CLN6: variants seen among roughly 807,000 people sequenced by gnomAD.
CLN6 encodes ceroid-lipofuscinosis neuronal protein 6.
In CLN6, 22 loss-of-function variants were observed where a neutral mutation model predicts 33.3. That is an observed-to-expected ratio of 0.66 (90% CI 0.47 to 0.94). The LOEUF (loss-of-function observed/expected upper bound fraction) is 0.94. Ranked by LOEUF, CLN6 falls within the 40% of genes least tolerant of loss-of-function variation. The pLI is 0.00. For synonymous variants in CLN6, 201 were observed against 174.6 expected (o/e 1.15, Z -1.19); for missense variants, 387 against 417.1 (o/e 0.93, Z 0.63).
At chr15:68,214,049 C>T (rs745462606) in intron 3 of CLN6, 11 of 467,364 alleles carry the variant, frequency 2.4e-5, no homozygotes, top group East Asian at 4.0e-5. Flanking sequence ...CCCACTGGCA[C>T]GCCAGGCTGA....
rs1281391415 is a variant in CLN6, at chr15:68,236,162, T to G, written c.180-17512A>C. ...AACTTTCATATATTCCTGGTGGGAT[T>G]ATAAAATGGCACAGCCCCTTTGGAA... On this transcript the variant is annotated intron_variant, in intron 1 of 6. Coordinates refer to the CLN6 transcript ENST00000538696. The surrounding 1 kb of genome is among the most constrained non-coding windows in gnomAD (Gnocchi z 4.5). Among the ~76,000 whole-genome samples, 2 of 152,246 alleles carry G rather than the reference T, an allele frequency of 1.3e-5. No homozygotes were observed. Among genetic ancestry groups the G allele is most frequent in the Non-Finnish European group, 2.9e-5 (2 of 68,044 alleles).
At position 68,208,981 on chromosome 15, in the gene CLN6, G is replaced by C. The variant is rs956377407; in HGVS notation, c.666-571C>G. On this transcript the variant is annotated intron_variant, in intron 6 of 6. Coordinates refer to ENST00000249806, the MANE Select transcript of CLN6 (RefSeq NM_017882.3). The surrounding 1 kb of genome is among the most constrained non-coding windows in gnomAD (Gnocchi z 5.8). The stretch of plus-strand genomic sequence containing the variant: ...TGAGGGAGGCCTCCCATCAGAGAAG[G>C]GTCCAGTCCTGCCCCGACCCTGTCC... Among the ~76,000 whole-genome samples, 2 of 152,172 alleles carry C rather than the reference G, an allele frequency of 1.3e-5. No homozygotes were observed. The highest frequency in any genetic ancestry group is 2.9e-5 in the Non-Finnish European group (2 of 68,034).
In CLN6 at chr15:68,211,141, G is replaced by C. The variant is rs912974674; in HGVS notation, c.542+122C>G. On this transcript the variant is annotated intron_variant, in intron 5 of 6. Transcript: ENST00000249806. This position sits in a 1 kb window ranked among gnomAD's most constrained non-coding sequence, Gnocchi z 5.9. Reference sequence around the variant, plus strand: ...TTGAGCTCACAGTGCCTTTACAGGGGATGAGACTCAACACATGGAGACCCG... The same window carrying C: ...TTGAGCTCACAGTGCCTTTACAGGGCATGAGACTCAACACATGGAGACCCG... 1.0e-4 allele frequency: 89 copies of C among 864,722 alleles called. No homozygotes were observed. The African/African-American group carries it at 1.2e-3, about 12-fold the overall frequency. The allele number at this position is 864,722 out of a possible 1,614,324, so 53.6% of individuals were successfully genotyped here. A position where few individuals can be genotyped will look rare whatever the true frequency, so the allele number is the denominator to read the frequency against.
rs1595816738 is a variant in CLN6, at chr15:68,208,772, T to C, written c.666-362A>G. 6.6e-6 allele frequency among the ~76,000 whole-genome samples: 1 copy of C among 152,198 alleles called. No individual in the cohort carries two copies. Among genetic ancestry groups the C allele is most frequent in the Admixed American group, 6.5e-5 (1 of 15,284 alleles). On this transcript the variant is annotated intron_variant, in intron 6 of 6. Coordinates refer to ENST00000249806, the MANE Select transcript of CLN6 (RefSeq NM_017882.3). This position sits in a 1 kb window ranked among gnomAD's most constrained non-coding sequence, Gnocchi z 5.8. Reference sequence around the variant, plus strand: ...GACGGCAGCCACCCCCGCGGCAGGATGCCGGGGTAAGAACCAGCAGGAAGC... The same window carrying C: ...GACGGCAGCCACCCCCGCGGCAGGACGCCGGGGTAAGAACCAGCAGGAAGC...
intron 3 of CLN6, 141 bp from the exon 4 acceptor site, chr15:68,212,004 A>T: frequency 1.3e-6 from 1 of 796,792 alleles, no homozygotes; most frequent in Non-Finnish European, 2.0e-6. Flanking sequence ...TCCCTTTAGC[A>T]GGCCAGCCCA....
intron 1 of CLN6, among the ~76,000 whole-genome samples, chr15:68,237,061 G>A (rs921707577): frequency 6.7e-6 from 1 of 150,022 alleles, no homozygotes; most frequent in Admixed American, 6.7e-5. Context: ...GGAGGCTGAG[G>A]CAGGAGAATG....
intron 1 of CLN6, among the ~76,000 whole-genome samples, chr15:68,243,251 G>C (rs140470893): frequency 8.1e-4 from 123 of 152,264 alleles, no homozygotes; most frequent in African/African-American, 2.8e-3. Flanking sequence ...AGATTTAAAA[G>C]GAATTATTTA....
chr15:68,241,847 C>T lies in CLN6; in HGVS notation c.179+14843G>A, dbSNP rs972076400. 6.6e-6 allele frequency among the ~76,000 whole-genome samples: 1 copy of T among 152,108 alleles called. No individual in the cohort carries two copies. Among genetic ancestry groups the T allele is most frequent in the Admixed American group, 6.5e-5 (1 of 15,274 alleles). On this transcript the variant is annotated intron_variant, in intron 1 of 6. Transcript: ENST00000538696. This position sits in a 1 kb window ranked among gnomAD's most constrained non-coding sequence, Gnocchi z 4.2. ...AATTGTTTATTAGAGCCGAGGCAAA[C>T]CTGGGCTTAAGAAATCATCTAGTGC...
chr15:68,229,123 G>A (rs1567101296), intron 1 of CLN6, among the ~76,000 whole-genome samples: 2 of 152,106 alleles, frequency 1.3e-5, no homozygotes, highest in Non-Finnish European at 2.9e-5. Flanking sequence ...GATAAGTTGG[G>A]GGTCCGAGTG....
chr15:68,232,325 T>C (rs1372053686), upstream of CLN6, among the ~76,000 whole-genome samples: 1 of 152,002 alleles, frequency 6.6e-6, no homozygotes, highest in African/African-American at 2.4e-5. This position sits in a 1 kb window ranked among gnomAD's most constrained non-coding sequence, Gnocchi z 4.7. Flanking sequence ...GCCTGGCTAA[T>C]TTTTTATATT....
intron 2 of CLN6, among the ~76,000 whole-genome samples, chr15:68,215,972 T>C (rs1205971445): frequency 6.6e-6 from 1 of 152,252 alleles, no homozygotes; most frequent in Non-Finnish European, 1.5e-5. Flanking sequence ...ATGTTACTTT[T>C]ATAACTTGTA....
chr15:68,248,659 A>AG (rs967139933), intron 1 of CLN6, among the ~76,000 whole-genome samples: 8 of 152,024 alleles, frequency 5.3e-5, no homozygotes, highest in African/African-American at 1.9e-4. Flanking sequence ...TCTCAAAAAA[A>AG]AAAAAAAAAA....
chr15:68,244,167 C>T (rs1004576957), intron 1 of CLN6, among the ~76,000 whole-genome samples: 7 of 151,704 alleles, frequency 4.6e-5, no homozygotes, highest in African/African-American at 9.7e-5. Context: ...GAAAACTTTC[C>T]AAAGCTCAAG....
chr15:68,208,429 A>T lies in CLN6; in HGVS notation c.666-19T>A. ...CAGGTACCTGGAAAGGCCAGGGGTG[A>T]GTGAGGCAGCTGCCGTGGCAACCCC... On this transcript the variant is annotated intron_variant, in intron 6 of 6. Transcript: ENST00000249806. The surrounding 1 kb of genome is among the most constrained non-coding windows in gnomAD (Gnocchi z 5.8). 6.2e-7 allele frequency: 1 copy of T among 1,611,440 alleles called. No individual in the cohort carries two copies. Among genetic ancestry groups the T allele is most frequent in the Non-Finnish European group, 8.5e-7 (1 of 1,179,808 alleles).
upstream of CLN6, among the ~76,000 whole-genome samples, chr15:68,233,430 G>A (rs1175393928): frequency 6.6e-6 from 1 of 152,186 alleles, no homozygotes; most frequent in Non-Finnish European, 1.5e-5. The surrounding 1 kb of genome is among the most constrained non-coding windows in gnomAD (Gnocchi z 4.3). Context: ...CTTTGATCTT[G>A]CCTAATTTCA....
rs1228985676 is a variant in CLN6, at chr15:68,236,133, T to C, written c.180-17483A>G. On this transcript the variant is annotated intron_variant, in intron 1 of 6. Coordinates refer to the CLN6 transcript ENST00000538696. This position sits in a 1 kb window ranked among gnomAD's most constrained non-coding sequence, Gnocchi z 4.5. Reference sequence around the variant, plus strand: ...ACATGTTGGTGAAGATGTGGACAAATTGGAACTTTCATATATTCCTGGTGG... The same window carrying C: ...ACATGTTGGTGAAGATGTGGACAAACTGGAACTTTCATATATTCCTGGTGG... 3.3e-5 allele frequency among the ~76,000 whole-genome samples: 5 copies of C among 152,188 alleles called. No homozygotes were observed. The highest frequency in any genetic ancestry group is 9.7e-5 in the African/African-American group (4 of 41,448).
intron 2 of CLN6, chr15:68,214,938 G>C (rs1426106219): frequency 1.2e-5 from 2 of 162,566 alleles, no homozygotes; most frequent in African/African-American, 4.8e-5. Context: ...GTACACGTTA[G>C]GAGACAAAGG....
Position 68,209,195 on chromosome 15 carries a change from C to T in CLN6, c.665+442G>A, listed in dbSNP as rs2093197300. ...AGTCTGGCCTCGCCATAGTGCTTTA[C>T]ATTTGACAAAGCCCCTCTCTGTCCT... is the stretch of plus-strand genomic sequence containing the variant. On this transcript the variant is annotated intron_variant, in intron 6 of 6. Transcript: ENST00000249806. This position sits in a 1 kb window ranked among gnomAD's most constrained non-coding sequence, Gnocchi z 4.9. Among the ~76,000 whole-genome samples, 1 of 152,190 alleles carries T rather than the reference C, an allele frequency of 6.6e-6. No individual in the cohort carries two copies. Among genetic ancestry groups the T allele is most frequent in the Non-Finnish European group, 1.5e-5 (1 of 68,034 alleles).
At position 68,209,614 on chromosome 15, in the gene CLN6, C is replaced by T. The variant is rs776132323; in HGVS notation, c.665+23G>A. 5 of 1,610,980 alleles carry T rather than the reference C, an allele frequency of 3.1e-6. No homozygotes were observed. Among genetic ancestry groups the T allele is most frequent in the South Asian group, 1.1e-5 (1 of 90,968 alleles). On this transcript the variant is annotated intron_variant, in intron 6 of 6. Transcript: ENST00000249806. The surrounding 1 kb of genome is among the most constrained non-coding windows in gnomAD (Gnocchi z 4.9). ...GGCTCTCTCAGTGCCCCTGCCTCTG[C>T]CCCCATGCTGATGTCCACTCACCAG... is the stretch of plus-strand genomic sequence containing the variant.
Sources: gnomAD v4.1 joint callset for allele counts (sites outside exome capture counted in the v4.1 genomes callset) on GRCh38, gnomAD v4.1.1 for gene constraint, Gnocchi (gnomAD v3.1) non-coding constraint, MANE v1.5 for transcripts, NCBI Gene and HGNC (gene_info 2026-07-23, HGNC 2026-07-21) for gene names.